FANCL: variants seen among roughly 807,000 people sequenced by gnomAD.
FANCL encodes E3 ubiquitin-protein ligase FANCL.
Under a neutral mutation model 59.4 loss-of-function variants are expected in FANCL, and 69 were observed. The observed-to-expected ratio is 1.16, with a 90% CI of 0.96 to 1.42. The LOEUF (loss-of-function observed/expected upper bound fraction) is 1.42. FANCL is among the 40% of genes most tolerant of loss of function. FANCL has a pLI of 0.00. For missense variants in FANCL, 519 were observed against 447.2 expected, an observed-to-expected ratio of 1.16 and a Z score of -1.45; for synonymous variants, 180 against 147.1, an observed-to-expected ratio of 1.22 and a Z score of -1.62.
At chr2:58,203,146 A>C (rs769404124) in intron 6 of FANCL, among the ~76,000 whole-genome samples, 8 of 151,810 alleles carry the variant, frequency 5.3e-5, no homozygotes, top group South Asian at 2.1e-4. Context: ...AATTTTTTCC[A>C]AGACTTATCA....
chr2:58,170,177 C>T (rs546248029), intron 7 of FANCL, among the ~76,000 whole-genome samples: 14 of 152,330 alleles, frequency 9.2e-5, no homozygotes, highest in South Asian at 8.3e-4. Flanking sequence ...ATCAGACTAA[C>T]AGCAGATCTC....
At chr2:58,193,867 C>G (rs1382156191) in intron 7 of FANCL, among the ~76,000 whole-genome samples, 1 of 152,102 alleles carries the variant, frequency 6.6e-6, no homozygotes, top group Non-Finnish European at 1.5e-5. Context: ...TACATACGAA[C>G]TGAGGCAAAG....
intron 3 of FANCL, among the ~76,000 whole-genome samples, chr2:58,229,297 T>C (rs781060245): frequency 6.6e-5 from 10 of 152,170 alleles, no homozygotes; most frequent in Non-Finnish European, 1.5e-4. Context: ...TTCTAATCTT[T>C]AAAGGAATTT....
chr2:58,170,280 CAAA>C, intron 7 of FANCL, among the ~76,000 whole-genome samples: 1 of 152,154 alleles, frequency 6.6e-6, no homozygotes, highest in Non-Finnish European at 1.5e-5. Flanking sequence ...CCTATCCCGC[CAAA>C]CTAACCTTCA....
At chr2:58,202,819 A>C (rs1390951939) in intron 6 of FANCL, among the ~76,000 whole-genome samples, 1 of 151,902 alleles carries the variant, frequency 6.6e-6, no homozygotes, top group Non-Finnish European at 1.5e-5. Context: ...AGGCAGCACA[A>C]ATTTACAGCA....
chr2:58,173,356 G>A (rs920108733), intron 7 of FANCL, among the ~76,000 whole-genome samples: 1 of 152,152 alleles, frequency 6.6e-6, no homozygotes, highest in Admixed American at 6.5e-5. Flanking sequence ...AAGTTGAAAT[G>A]AAGGAAAAAA....
At chr2:58,220,667 T>C (rs1416931856) in intron 5 of FANCL, among the ~76,000 whole-genome samples, 3 of 152,190 alleles carry the variant, frequency 2.0e-5, no homozygotes, top group Non-Finnish European at 2.9e-5. Context: ...ATATGTTCCT[T>C]GTTCTCTTTT....
rs760145730 is a variant in FANCL at position 58,159,466 on chromosome 2, C to G, written c.*299G>C. 4 of 1,613,620 alleles carry G rather than the reference C, an allele frequency of 2.5e-6. No homozygotes were observed. The highest frequency in any genetic ancestry group is 3.4e-6 in the Non-Finnish European group (4 of 1,179,726). ...CCCAAACTCATTTTATGAGCCTCAT[C>G]AAGATTTTACCAGTCCAGATATATT... On this transcript the variant is annotated 3_prime_UTR_variant, in exon 14 of 14. Coordinates refer to ENST00000233741, the MANE Select transcript of FANCL (RefSeq NM_018062.4).
At chr2:58,198,284 T>C (rs1689643463) in intron 7 of FANCL, among the ~76,000 whole-genome samples, 1 of 152,196 alleles carries the variant, frequency 6.6e-6, no homozygotes, top group South Asian at 2.1e-4. Context: ...GGATTCCACA[T>C]GTGCAGATTC....
intron 5 of FANCL, among the ~76,000 whole-genome samples, chr2:58,206,567 T>C (rs1025898211): frequency 6.6e-6 from 1 of 152,290 alleles, no homozygotes; most frequent in South Asian, 2.1e-4. Context: ...ATCACAATGT[T>C]TAAAATCATT....
chr2:58,191,203 G>C (rs2105042381), intron 7 of FANCL, among the ~76,000 whole-genome samples: 1 of 151,630 alleles, frequency 6.6e-6, no homozygotes, highest in Non-Finnish European at 1.5e-5. Flanking sequence ...CAAAACATGA[G>C]AGAATGTTAA....
chr2:58,169,665 A>G (rs1686339492), intron 7 of FANCL, among the ~76,000 whole-genome samples: 1 of 152,036 alleles, frequency 6.6e-6, no homozygotes, highest in African/African-American at 2.4e-5. Context: ...AAAAAAAGTT[A>G]GAGGAATTGC....
chr2:58,169,796 G>C (rs1686365795), intron 7 of FANCL, among the ~76,000 whole-genome samples: 1 of 151,820 alleles, frequency 6.6e-6, no homozygotes, highest in Non-Finnish European at 1.5e-5. Context: ...GCGGAAGAAA[G>C]GATATCAGAG....
At chr2:58,200,268 T>C (rs1055988341) in intron 6 of FANCL, among the ~76,000 whole-genome samples, 16 of 152,088 alleles carry the variant, frequency 1.1e-4, no homozygotes, top group Non-Finnish European at 1.3e-4. Context: ...AAAGTAAATG[T>C]AGACAGAGAC....
intron 5 of FANCL, among the ~76,000 whole-genome samples, chr2:58,213,937 C>G (rs1382730734): frequency 3.9e-5 from 6 of 152,224 alleles, no homozygotes; most frequent in Admixed American, 3.9e-4. Context: ...ATTAAAGGCT[C>G]CATATCGGAG....
intron 5 of FANCL, among the ~76,000 whole-genome samples, chr2:58,221,151 T>G (rs62140050): frequency 0.042 from 6,412 of 151,774 alleles, 162 homozygotes; most frequent in East Asian, 0.094. Flanking sequence ...AGGCGGAGCT[T>G]GCAATCAGCC....
At chr2:58,211,501 T>C (rs930069197) in intron 5 of FANCL, among the ~76,000 whole-genome samples, 40 of 152,244 alleles carry the variant, frequency 2.6e-4, no homozygotes, top group African/African-American at 9.6e-4. Context: ...TCTTGGGGAC[T>C]AACATTTGGC....
intron 5 of FANCL, among the ~76,000 whole-genome samples, chr2:58,221,620 T>G (rs1019383962): frequency 6.6e-6 from 1 of 152,176 alleles, no homozygotes. Flanking sequence ...TCCAGTCTCT[T>G]TCATGTGTCT....
intron 2 of FANCL, 74 bp from the exon 3 acceptor site, chr2:58,229,948 A>G: frequency 3.1e-6 from 3 of 971,814 alleles, no homozygotes; most frequent in Non-Finnish European, 5.0e-6. Context: ...TAACACAAAC[A>G]TGCATGTACA....
Sources: allele counts gnomAD v4.1 joint callset (sites outside exome capture counted in the v4.1 genomes callset), GRCh38; gene constraint gnomAD v4.1.1; transcripts MANE v1.5; gene names NCBI Gene and HGNC (gene_info 2026-07-23, HGNC 2026-07-21).